The following BMPR1A variants were observed in gnomAD, a reference collection of about 807,000 sequenced individuals.
The protein encoded by BMPR1A is bone morphogenetic protein receptor type-1A.
BMPR1A carries 7 observed loss-of-function variants against 66.0 expected under a neutral mutation model. The observed-to-expected ratio is 0.11, with a 90% CI of 0.06 to 0.20. The LOEUF (loss-of-function observed/expected upper bound fraction) is 0.20. Ranked by LOEUF, BMPR1A falls within the 10% of genes least tolerant of loss-of-function variation. The probability of loss-of-function intolerance (pLI) is 1.00; values close to 1 mark genes in which losing one functional copy is unlikely to be tolerated. For missense variants in BMPR1A, 408 were observed against 669.1 expected, an observed-to-expected ratio of 0.61 and a Z score of 4.31; for synonymous variants, 200 against 229.7, an observed-to-expected ratio of 0.87 and a Z score of 1.17.
At chr10:86,857,042 T>A (rs938321609) in intron 2 of BMPR1A, among the ~76,000 whole-genome samples, 1 of 152,212 alleles carries the variant, frequency 6.6e-6, no homozygotes, top group Non-Finnish European at 1.5e-5. Context: ...CACATCAGTA[T>A]GCTCACCAAT....
chr10:86,891,662 C>CT (rs999687928), intron 4 of BMPR1A, among the ~76,000 whole-genome samples: 4 of 151,692 alleles, frequency 2.6e-5, no homozygotes, highest in African/African-American at 7.3e-5. Context: ...TTTTAGTCCC[C>CT]TTTTTTTTGG....
intron 2 of BMPR1A, among the ~76,000 whole-genome samples, chr10:86,841,986 C>A (rs1842430775): frequency 6.6e-6 from 1 of 152,196 alleles, no homozygotes; most frequent in Non-Finnish European, 1.5e-5. Flanking sequence ...TATAATAAAC[C>A]TGTAAACATA....
chr10:86,889,778 A>T (rs1843121099), intron 3 of BMPR1A: 2 of 340,590 alleles, frequency 5.9e-6, no homozygotes, highest in South Asian at 8.5e-5. Flanking sequence ...TATAAAAAAC[A>T]AGATTTGACT....
At chr10:86,905,672 C>T (rs977388338) in intron 7 of BMPR1A, among the ~76,000 whole-genome samples, 7 of 151,852 alleles carry the variant, frequency 4.6e-5, no homozygotes, top group East Asian at 1.9e-4. Flanking sequence ...AATAGTATCA[C>T]GGATGCATTT....
In BMPR1A at chr10:86,821,990, G is replaced by A. The variant is rs562973021; in HGVS notation, c.-267-16875G>A. On this transcript the variant is annotated intron_variant, in intron 1 of 12. Coordinates refer to ENST00000372037, the MANE Select transcript of BMPR1A (RefSeq NM_004329.3). ...AGCTAATTTTTGTATTTTTTGTAGAGAGGGGTTTTACCACGTTCCTAGGCT... is the reference window on the plus strand; with the variant it reads ...AGCTAATTTTTGTATTTTTTGTAGAAAGGGGTTTTACCACGTTCCTAGGCT... 8.0e-4 allele frequency among the ~76,000 whole-genome samples: 122 copies of A among 152,194 alleles called. 4 individuals carry two copies. The highest frequency in any genetic ancestry group is 1.0e-3 in the Admixed American group (16 of 15,276).
intron 1 of BMPR1A, among the ~76,000 whole-genome samples, chr10:86,775,419 G>A (rs950973167): frequency 6.6e-6 from 1 of 152,094 alleles, no homozygotes; most frequent in African/African-American, 2.4e-5. Flanking sequence ...ATCTCAACAC[G>A]AAAGTCAAAT....
intron 1 of BMPR1A, among the ~76,000 whole-genome samples, chr10:86,785,430 C>A (rs1040175955): frequency 1.3e-5 from 2 of 152,152 alleles, no homozygotes; most frequent in Non-Finnish European, 2.9e-5. Flanking sequence ...CTCACCTTCC[C>A]GAGTAGCTGG....
At chr10:86,861,486 T>G (rs1404894257) in intron 2 of BMPR1A, among the ~76,000 whole-genome samples, 2 of 152,238 alleles carry the variant, frequency 1.3e-5, no homozygotes, top group Non-Finnish European at 2.9e-5. Flanking sequence ...CTTCAGTGTG[T>G]TGTTTATGTA....
chr10:86,882,141 A>G (rs1047902412), intron 3 of BMPR1A, among the ~76,000 whole-genome samples: 2 of 152,202 alleles, frequency 1.3e-5, no homozygotes, highest in Admixed American at 6.5e-5. Context: ...GCTGGGCTGT[A>G]TGGGTATGTG....
At chr10:86,896,866 A>G (rs946711859) in intron 5 of BMPR1A, among the ~76,000 whole-genome samples, 1 of 152,204 alleles carries the variant, frequency 6.6e-6, no homozygotes, top group African/African-American at 2.4e-5. Context: ...AAGCATTTTG[A>G]CCAGCACTTA....
chr10:86,857,141 G>C (rs1272791431), intron 2 of BMPR1A, among the ~76,000 whole-genome samples: 4 of 152,148 alleles, frequency 2.6e-5, no homozygotes, highest in African/African-American at 9.7e-5. Context: ...CAAACTTTCA[G>C]TGTTCTCTCC....
intron 2 of BMPR1A, among the ~76,000 whole-genome samples, chr10:86,874,936 GCTGGTCT>G (rs1167512777): frequency 6.7e-6 from 1 of 149,028 alleles, no homozygotes; most frequent in African/African-American, 2.5e-5. Context: ...TGCTGGCCAG[GCTGGTCT>G]TGAACTCCTG....
chr10:86,918,535 A>G (rs189784395), intron 9 of BMPR1A, among the ~76,000 whole-genome samples: 7 of 152,168 alleles, frequency 4.6e-5, no homozygotes, highest in Non-Finnish European at 1.0e-4. Flanking sequence ...TGAAATTGAG[A>G]GCCTTTTCTA....
chr10:86,804,782 G>A (rs1407567762), intron 1 of BMPR1A, among the ~76,000 whole-genome samples: 1 of 80,294 alleles, frequency 1.2e-5, no homozygotes, highest in Non-Finnish European at 2.5e-5. Context: ...TTAGCTTAAT[G>A]TTTGTAGGTG....
chr10:86,901,095 C>T (rs577925852), intron 7 of BMPR1A, among the ~76,000 whole-genome samples: 1 of 152,358 alleles, frequency 6.6e-6, no homozygotes, highest in East Asian at 1.9e-4. Context: ...TATGTGGACA[C>T]TCAACTCTGA....
chr10:86,899,996 A>G (rs1810237902), intron 6 of BMPR1A, 31 bp from the exon 7 acceptor site: 1 of 1,612,834 alleles, frequency 6.2e-7, no homozygotes, highest in Non-Finnish European at 8.5e-7. Context: ...TTTTCATTTC[A>G]ATTGTTTACA....
At chr10:86,894,204 A>C (rs1191249783) in intron 5 of BMPR1A, among the ~76,000 whole-genome samples, 1 of 152,222 alleles carries the variant, frequency 6.6e-6, no homozygotes, top group Admixed American at 6.5e-5. Flanking sequence ...CATATTCTTG[A>C]ACCATTGAGC....
intron 3 of BMPR1A, among the ~76,000 whole-genome samples, chr10:86,877,209 CTT>C (rs10645210): frequency 1.8e-4 from 25 of 138,334 alleles, no homozygotes; most frequent in Admixed American, 1.4e-4. Context: ...ATATTTTCAT[CTT>C]TTTTTTTTTT....
At chr10:86,845,558 C>G (rs117512186) in intron 2 of BMPR1A, among the ~76,000 whole-genome samples, 1 of 152,146 alleles carries the variant, frequency 6.6e-6, no homozygotes, top group Non-Finnish European at 1.5e-5. Flanking sequence ...GACCTGCCCA[C>G]CAGAGCCACA....
Sources: gnomAD v4.1 joint callset for allele counts (sites outside exome capture counted in the v4.1 genomes callset) on GRCh38, gnomAD v4.1.1 for gene constraint, MANE v1.5 for transcripts, NCBI Gene and HGNC (gene_info 2026-07-23, HGNC 2026-07-21) for gene names.